The following CDKL5 variants were observed in gnomAD, a reference collection of about 807,000 sequenced individuals.
The protein encoded by CDKL5 is cyclin-dependent kinase-like 5.
A neutral mutation model predicts 61.7 loss-of-function variants in CDKL5; 8 were observed. The ratio of observed to expected loss-of-function variants is 0.13; its 90% CI spans 0.08 to 0.23. CDKL5 has a LOEUF of 0.23. Ranked by LOEUF, CDKL5 falls within the 10% of genes least tolerant of loss-of-function variation. CDKL5 has a pLI of 1.00. For synonymous variants in CDKL5, 275 were observed against 272.3 expected, an observed-to-expected ratio of 1.01 and a Z score of -0.10; for missense variants, 440 against 734.5, an observed-to-expected ratio of 0.60 and a Z score of 4.63.
intron 1 of CDKL5, among the ~76,000 whole-genome samples, chrX:18,478,525 A>T (rs1238562241): frequency 9.2e-6 from 1 of 109,098 alleles, no homozygotes; most frequent in Non-Finnish European, 1.9e-5. Flanking sequence ...TCCTGACCTC[A>T]AGTGATCTGC....
chrX:18,545,721 A>G (rs1438243461), intron 3 of CDKL5, among the ~76,000 whole-genome samples: 3 of 112,230 alleles, frequency 2.7e-5, no homozygotes, highest in Non-Finnish European at 5.6e-5. Flanking sequence ...ATTTTCTGCC[A>G]TGTTTTGTTA....
rs186215915 is a variant in CDKL5 at position 18,439,708 on chromosome X, C to G, written c.-163+14013C>G. 4.3e-3 allele frequency among the ~76,000 whole-genome samples: 470 copies of G among 109,113 alleles called. 2 individuals carry two copies. Among genetic ancestry groups the G allele is most frequent in the Middle Eastern group, 0.043 (9 of 211 alleles). The allele number at this position is 109,113 out of a possible 115,157, so 94.8% of individuals were successfully genotyped here. A position where few individuals can be genotyped will look rare whatever the true frequency, so the allele number is the denominator to read the frequency against. On this transcript the variant is annotated intron_variant, in intron 1 of 17. Transcript: ENST00000623535. ...CAAAATTAGCTGGGTGTGGTGGCTC[C>G]CACCTGTAATCCCAGCTACTCGGGT...
chrX:18,550,459 G>A (rs1007084019), intron 3 of CDKL5, among the ~76,000 whole-genome samples: 1 of 112,144 alleles, frequency 8.9e-6, no homozygotes, highest in African/African-American at 3.2e-5. Context: ...GCAAGTTAAA[G>A]TCAAGTGTGG....
intron 1 of CDKL5, among the ~76,000 whole-genome samples, chrX:18,484,575 C>G (rs1921719083): frequency 9.0e-6 from 1 of 110,940 alleles, no homozygotes; most frequent in African/African-American, 3.3e-5. Flanking sequence ...ATCTTGGTCT[C>G]CCAAGGTGCT....
At chrX:18,587,521 T>G (rs772065923) in intron 8 of CDKL5, among the ~76,000 whole-genome samples, 16 of 112,095 alleles carry the variant, frequency 1.4e-4, no homozygotes, top group Non-Finnish European at 3.0e-4. Context: ...ATAGTAAATT[T>G]TAATAGACTG....
At chrX:18,564,252 A>G (rs1156896171) in intron 3 of CDKL5, among the ~76,000 whole-genome samples, 1 of 111,039 alleles carries the variant, frequency 9.0e-6, no homozygotes, top group Non-Finnish European at 1.9e-5. Flanking sequence ...TCTTTGCTCC[A>G]CACCCTCTCC....
intron 1 of CDKL5, among the ~76,000 whole-genome samples, chrX:18,430,512 C>T (rs903772254): frequency 1.8e-5 from 2 of 111,700 alleles, no homozygotes; most frequent in South Asian, 3.7e-4. Flanking sequence ...GGCGTGATCT[C>T]GGCTCACTGC....
chrX:18,556,689 C>G (rs983551815), intron 3 of CDKL5, among the ~76,000 whole-genome samples: 3 of 110,567 alleles, frequency 2.7e-5, no homozygotes, highest in Non-Finnish European at 5.7e-5. Flanking sequence ...AGTTTCCCAG[C>G]CTGGCCAACA....
chrX:18,435,747 A>G (rs1476028185), intron 1 of CDKL5, among the ~76,000 whole-genome samples: 2 of 111,071 alleles, frequency 1.8e-5, no homozygotes, highest in African/African-American at 3.3e-5. Context: ...TTGTATTTTC[A>G]GTAGAGACGG....
intron 12 of CDKL5, among the ~76,000 whole-genome samples, chrX:18,606,418 A>G (rs1926369607): frequency 8.9e-6 from 1 of 112,443 alleles, no homozygotes; most frequent in Admixed American, 9.4e-5. Context: ...GCTAGGCAAC[A>G]TGAAAAGCTC....
At chrX:18,588,202 T>G in intron 9 of CDKL5, 59 bp downstream of exon 9, 3 of 861,340 alleles carry the variant, frequency 3.5e-6, no homozygotes, top group Non-Finnish European at 3.5e-6. Flanking sequence ...GAGTCATTGT[T>G]CATTGCACAA....
At chrX:18,448,048 G>A (rs1365703936) in intron 1 of CDKL5, among the ~76,000 whole-genome samples, 1 of 110,501 alleles carries the variant, frequency 9.0e-6, no homozygotes, top group African/African-American at 3.3e-5. Context: ...CACCATGCCC[G>A]GCTTAAATTC....
At chrX:18,504,242 C>T (rs935883135) in intron 1 of CDKL5, among the ~76,000 whole-genome samples, 13 of 110,645 alleles carry the variant, frequency 1.2e-4, no homozygotes, top group African/African-American at 4.3e-4. Context: ...CAACCATGCC[C>T]ACCAGGCTAG....
chrX:18,636,566 C>T lies in CDKL5; in HGVS notation c.*7809C>T, dbSNP rs1240375909. On this transcript the variant is annotated 3_prime_UTR_variant, in exon 18 of 18. Coordinates refer to ENST00000623535, the MANE Select transcript of CDKL5 (RefSeq NM_001323289.2). Reference sequence around the variant, plus strand: ...ACCCTTAAAAGTCACTGCACGTCCACGTATGGTAATGTGGTCACAATCAGT... The same window carrying T: ...ACCCTTAAAAGTCACTGCACGTCCATGTATGGTAATGTGGTCACAATCAGT... The T allele has an allele frequency of 9.1e-6, 1 of 110,421 alleles. No homozygotes were observed. The highest frequency in any genetic ancestry group is 1.9e-5 in the Non-Finnish European group (1 of 52,985). 9.1% of individuals were successfully genotyped at this position (110,421 alleles called of 1,213,427 possible).
intron 1 of CDKL5, among the ~76,000 whole-genome samples, chrX:18,485,897 T>TA (rs1006411694): frequency 9.3e-6 from 1 of 107,421 alleles, no homozygotes; most frequent in African/African-American, 3.4e-5. Flanking sequence ...AGATTTTTTT[T>TA]AAAAAGAGAG....
chrX:18,576,015 G>C lies in CDKL5; in HGVS notation c.282+525G>C, dbSNP rs953097957. On this transcript the variant is annotated intron_variant, in intron 5 of 17. Transcript: ENST00000623535. ...CGTAAAAGAAAAGCATGCATTGTTTGAGCTGTCTACACTTGCCTTAGCTTG... is the reference window on the plus strand; with the variant it reads ...CGTAAAAGAAAAGCATGCATTGTTTCAGCTGTCTACACTTGCCTTAGCTTG... Among the ~76,000 whole-genome samples the C allele has an allele frequency of 2.7e-5, 3 of 112,354 alleles. No individual in the cohort carries two copies. In the Admixed American group the frequency reaches 2.8e-4, roughly 11 times the overall value.
rs753958338 is a variant in CDKL5, at chrX:18,653,384, C to T, written c.2981-48C>T. 5.8e-6 allele frequency: 7 copies of T among 1,197,485 alleles called. No homozygotes were observed. In the Admixed American group the frequency reaches 1.1e-4, roughly 19 times the overall value. ...GCATTAGCCAGAGTGCACCTGCTAG[C>T]GCTCCTGGCAGCTCTGAGTGACCCC... On this transcript the variant is annotated intron_variant, in intron 21 of 21. Transcript: ENST00000379989.
chrX:18,647,457 C>T (rs1054580370), intron 20 of CDKL5: 2 of 693,178 alleles, frequency 2.9e-6, no homozygotes, highest in South Asian at 4.7e-5. Flanking sequence ...TTACCTGTCT[C>T]TGTGGTTCAC....
At chrX:18,504,357 T>C (rs1341713498) in intron 1 of CDKL5, among the ~76,000 whole-genome samples, 1 of 111,787 alleles carries the variant, frequency 8.9e-6, no homozygotes, top group African/African-American at 3.3e-5. Context: ...CCTTCTGCCT[T>C]GGCTTCCTAA....
Sources: gnomAD v4.1 joint callset for allele counts (sites outside exome capture counted in the v4.1 genomes callset) on GRCh38, gnomAD v4.1.1 for gene constraint, MANE v1.5 for transcripts, NCBI Gene and HGNC (gene_info 2026-07-23, HGNC 2026-07-21) for gene names.